Variants in PSMA2 observed in about 807,000 individuals in gnomAD.
PSMA2 encodes proteasome subunit alpha type-2.
A neutral mutation model predicts 35.9 loss-of-function variants in PSMA2; 2 were observed. That is an observed-to-expected ratio of 0.06 (90% confidence interval 0.02 to 0.18). The LOEUF is 0.18. Among genes scored for constraint, PSMA2 ranks in the 10% least tolerant of loss-of-function variants. The probability of loss-of-function intolerance (pLI) is 1.00; values close to 1 mark genes in which losing one functional copy is unlikely to be tolerated. For synonymous variants in PSMA2, 97 were observed against 98.2 expected (o/e 0.99, Z 0.07); for missense variants, 126 against 278.8 (o/e 0.45, Z 3.90).
At chr7:42,919,871 T>C in intron 6 of PSMA2, 4 of 752,310 alleles carry the variant, frequency 5.3e-6, no homozygotes, top group Non-Finnish European at 1.0e-5. Context: ...TTGATCCTGA[T>C]GGAGAACTCT....
intron 5 of PSMA2, among the ~76,000 whole-genome samples, chr7:42,922,586 C>G (rs1484326246): frequency 1.3e-5 from 2 of 152,248 alleles, no homozygotes; most frequent in East Asian, 3.9e-4. Context: ...TTTGGAAGCT[C>G]AGAGATGGAG....
chr7:42,930,266 A>G (rs1228244175), intron 1 of PSMA2, among the ~76,000 whole-genome samples: 1 of 151,898 alleles, frequency 6.6e-6, no homozygotes, highest in Non-Finnish European at 1.5e-5. Flanking sequence ...GTTTTTTTAA[A>G]AAAAACTTTT....
At chr7:42,924,900 T>C (rs908441601) in intron 3 of PSMA2, 103 bp from the exon 4 acceptor site, 1 of 1,137,762 alleles carries the variant, frequency 8.8e-7, no homozygotes, top group Admixed American at 2.5e-5. Flanking sequence ...GTTTAACATG[T>C]ATCTCTTTAA....
At chr7:42,927,918 G>A (rs201896888) in intron 1 of PSMA2, among the ~76,000 whole-genome samples, 1 of 127,314 alleles carries the variant, frequency 7.9e-6, no homozygotes, top group Non-Finnish European at 1.8e-5. Flanking sequence ...AAAAAAAAAA[G>A]AGAAAGACAG....
rs531260552 is a variant in PSMA2 at position 42,917,823 on chromosome 7, A to T, written c.543T>A (p.Asp181Glu). The T allele has an allele frequency of 1.9e-6, 3 of 1,605,102 alleles. No individual in the cohort carries two copies. Among genetic ancestry groups the T allele is most frequent in the Non-Finnish European group, 2.6e-6 (3 of 1,174,222 alleles). Residue 181 changes from aspartate (D) to glutamate (E), a missense_variant, in exon 7 of 8, where the codon GAT (aspartate) becomes GAA (glutamate). Asp to Glu is a conservative substitution (Grantham distance 45). Transcript: ENST00000223321. The part of the protein sequence containing the change: ...KTFLEKRYNE[D>E]LELEDAIHTA... The stretch of plus-strand genomic sequence containing the variant: ...TATGAATGGCATCTTCAAGTTCCAG[A>T]TCTTCATTATATCTGAAGAATTTAA...
chr7:42,919,671 C>T (rs942952237), intron 6 of PSMA2: 4 of 562,118 alleles, frequency 7.1e-6, no homozygotes, highest in African/African-American at 3.8e-5. Flanking sequence ...GTGCTTTTGA[C>T]AGTACAGTAA....
At chr7:42,917,939 TAAAA>T (rs1786059548) in intron 6 of PSMA2, 104 bp from the exon 7 acceptor site, 4 of 750,360 alleles carry the variant, frequency 5.3e-6, no homozygotes, top group Non-Finnish European at 8.4e-6. Context: ...CTAAACATCT[TAAAA>T]ATACTAAATT....
intron 1 of PSMA2, chr7:42,931,182 G>C: frequency 2.2e-6 from 1 of 452,508 alleles, no homozygotes; most frequent in Non-Finnish European, 4.4e-6. Flanking sequence ...TATAGCAGTG[G>C]AAAGAGATGG....
chr7:42,925,443 T>G (rs184490264), intron 3 of PSMA2, among the ~76,000 whole-genome samples: 9 of 152,240 alleles, frequency 5.9e-5, no homozygotes, highest in Non-Finnish European at 1.0e-4. Context: ...GGAGATAGAG[T>G]ACATAACTCC....
Position 42,917,526 on chromosome 7 carries a change from T to G in PSMA2, c.*48A>C, listed in dbSNP as rs751850152. On this transcript the variant is annotated 3_prime_UTR_variant, in exon 8 of 8. Transcript: ENST00000223321. ...AAACAAAACATACTTTAAACATGTT[T>G]AAGTAGATAGATTATCTGAAATTCT... The G allele has an allele frequency of 7.2e-7, 1 of 1,393,072 alleles. No homozygotes were observed. Among genetic ancestry groups the G allele is most frequent in the South Asian group, 1.2e-5 (1 of 85,344 alleles). The allele number at this position is 1,393,072 out of a possible 1,614,324, so 86.3% of individuals were successfully genotyped here. A position where few individuals can be genotyped will look rare whatever the true frequency, so the allele number is the denominator to read the frequency against.
intron 6 of PSMA2, 136 bp from the exon 7 acceptor site, chr7:42,917,971 C>T: frequency 1.7e-6 from 1 of 602,962 alleles, no homozygotes; most frequent in Non-Finnish European, 2.8e-6. Context: ...CTTTTAATCA[C>T]CTCCTTGTAG....
chr7:42,926,750 C>G (rs535693004), intron 2 of PSMA2, 82 bp from the exon 3 acceptor site: 1 of 1,372,142 alleles, frequency 7.3e-7, no homozygotes, highest in Non-Finnish European at 9.7e-7. Context: ...ATGCGCTAAA[C>G]GCAAACTCCT....
chr7:42,926,893 A>T (rs1681927815), intron 2 of PSMA2, among the ~76,000 whole-genome samples: 1 of 152,214 alleles, frequency 6.6e-6, no homozygotes, highest in Non-Finnish European at 1.5e-5. Context: ...AGCTAAAGGT[A>T]TTACATAAAC....
chr7:42,924,882 C>T (rs1206077865), intron 3 of PSMA2, 85 bp from the exon 4 acceptor site: 4 of 1,336,688 alleles, frequency 3.0e-6, no homozygotes, highest in East Asian at 2.6e-5. Context: ...CATGTACCTG[C>T]AGCACAAGTT....
At chr7:42,919,890 G>A in intron 6 of PSMA2, 1 of 753,734 alleles carries the variant, frequency 1.3e-6, no homozygotes, top group Non-Finnish European at 2.5e-6. Context: ...CTATGCCAGT[G>A]GTTCTGAAGA....
intron 5 of PSMA2, among the ~76,000 whole-genome samples, chr7:42,922,666 T>G (rs1300783239): frequency 2.6e-5 from 4 of 152,180 alleles, no homozygotes; most frequent in Non-Finnish European, 5.9e-5. Context: ...TATTTTTCTT[T>G]TGCCATCTCA....
At chr7:42,921,736 T>C (rs113967654) in intron 6 of PSMA2, 122 bp downstream of exon 6, 1 of 643,104 alleles carries the variant, frequency 1.6e-6, no homozygotes, top group Non-Finnish European at 2.5e-6. Context: ...TATCTGTAAC[T>C]AGATTCATAT....
intron 5 of PSMA2, among the ~76,000 whole-genome samples, chr7:42,922,927 A>G (rs933673761): frequency 7.9e-5 from 12 of 152,336 alleles, no homozygotes; most frequent in African/African-American, 2.9e-4. Context: ...AATTCAAGAT[A>G]AATTAATGTT....
At position 42,926,608 on chromosome 7, in the gene PSMA2, C is replaced by A; in HGVS notation, c.179G>T (p.Arg60Leu). 1.9e-6 allele frequency: 3 copies of A among 1,612,390 alleles called. No individual in the cohort carries two copies. Among genetic ancestry groups the A allele is most frequent in the Non-Finnish European group, 2.5e-6 (3 of 1,179,510 alleles). The change falls in exon 3 of 8, where the codon CGA (arginine) becomes CTA (leucine). Residue 60 changes from arginine (R) to leucine (L), a missense_variant. By Grantham distance (102) the Arg-to-Leu change is moderately radical (BLOSUM62 -2). Coordinates refer to ENST00000223321, the MANE Select transcript of PSMA2 (RefSeq NM_002787.5). ...AATTGGTTCTACTTTGTGTACACTTCGCTCATCATACAGAATGGATTTCTG... is the reference window on the plus strand; with the variant it reads ...AATTGGTTCTACTTTGTGTACACTTAGCTCATCATACAGAATGGATTTCTG... ...KKQKSILYDERSVHKVEPITK... is the reference protein window; with the variant it reads ...KKQKSILYDELSVHKVEPITK...
Sources: allele counts gnomAD v4.1 joint callset (sites outside exome capture counted in the v4.1 genomes callset), GRCh38; gene constraint gnomAD v4.1.1; transcripts MANE v1.5; gene names NCBI Gene and HGNC (gene_info 2026-07-23, HGNC 2026-07-21).